Variants in DLG2 observed in about 807,000 individuals in gnomAD.
The protein encoded by DLG2 is discs large MAGUK scaffold protein 2, also known as disks large homolog 2.
DLG2 carries 45 observed loss-of-function variants against 132.5 expected under a neutral mutation model. The ratio of observed to expected loss-of-function variants is 0.34; its 90% CI spans 0.27 to 0.44. The LOEUF (loss-of-function observed/expected upper bound fraction) is 0.44, where lower values mean the gene tolerates loss of function less well. Ranked by LOEUF, DLG2 falls within the 20% of genes least tolerant of loss-of-function variation. The pLI, the probability that DLG2 is intolerant of heterozygous loss-of-function variation, is 1.00. For synonymous variants in DLG2, 424 were observed against 419.6 expected, an observed-to-expected ratio of 1.01 and a Z score of -0.13; for missense variants, 1,045 against 1,196.9, an observed-to-expected ratio of 0.87 and a Z score of 1.87.
At chr11:84,790,674 G>A (rs1020689849) in intron 6 of DLG2, among the ~76,000 whole-genome samples, 1 of 152,170 alleles carries the variant, frequency 6.6e-6, no homozygotes, top group Admixed American at 6.6e-5. Context: ...TCAATGTCCT[G>A]GAGGGTTTCC....
At chr11:85,195,371 G>A (rs1165280565) in intron 4 of DLG2, among the ~76,000 whole-genome samples, 1 of 152,098 alleles carries the variant, frequency 6.6e-6, no homozygotes, top group Non-Finnish European at 1.5e-5. Context: ...ACTGAAGCCA[G>A]AGTAACAAGG....
At chr11:83,636,462 A>G (rs2064873707) in intron 18 of DLG2, among the ~76,000 whole-genome samples, 1 of 152,200 alleles carries the variant, frequency 6.6e-6, no homozygotes, top group Non-Finnish European at 1.5e-5. Context: ...TTTTGCAATA[A>G]GAAAGATGAA....
intron 5 of DLG2, among the ~76,000 whole-genome samples, chr11:85,134,197 T>C (rs72961523): frequency 0.03 from 4,516 of 151,348 alleles, 99 homozygotes; most frequent in Non-Finnish European, 0.047. Flanking sequence ...ACCCATACAC[T>C]TTATCTCCTC....
chr11:84,931,476 G>T (rs887860090), intron 6 of DLG2, among the ~76,000 whole-genome samples: 1 of 152,158 alleles, frequency 6.6e-6, no homozygotes, highest in Non-Finnish European at 1.5e-5. Flanking sequence ...CTCCATCCAT[G>T]TTCCTGCAAA....
chr11:84,221,197 G>A (rs761626534), intron 8 of DLG2, among the ~76,000 whole-genome samples: 7 of 151,996 alleles, frequency 4.6e-5, no homozygotes, highest in Admixed American at 3.9e-4. Context: ...TAGGCTGGGC[G>A]CAGTGGGCCT....
intron 3 of DLG2, among the ~76,000 whole-genome samples, chr11:85,397,247 C>G (rs1414629633): frequency 2.0e-5 from 3 of 152,132 alleles, no homozygotes; most frequent in Admixed American, 2.0e-4. Flanking sequence ...TTGTCACCAC[C>G]AGGCATGCCT....
chr11:85,099,214 G>A (rs1371910333), intron 6 of DLG2, among the ~76,000 whole-genome samples: 1 of 152,218 alleles, frequency 6.6e-6, no homozygotes, highest in African/African-American at 2.4e-5. Flanking sequence ...TGTATTGGTA[G>A]TAGGAAGCTG....
At chr11:83,693,537 C>A (rs758318449) in intron 18 of DLG2, among the ~76,000 whole-genome samples, 4 of 152,154 alleles carry the variant, frequency 2.6e-5, no homozygotes, top group South Asian at 2.1e-4. Context: ...TGGAGGACAC[C>A]GTACCCTGTC....
chr11:85,513,164 G>A (rs968063916), intron 3 of DLG2, among the ~76,000 whole-genome samples: 1 of 151,784 alleles, frequency 6.6e-6, no homozygotes, highest in African/African-American at 2.4e-5. Flanking sequence ...CCAAAAAGAT[G>A]GGAAAAAATA....
chr11:83,779,739 G>C (rs77700652), intron 18 of DLG2, among the ~76,000 whole-genome samples: 2,160 of 152,162 alleles, frequency 0.014, 57 homozygotes, highest in African/African-American at 0.049. Context: ...TTATCTTTAA[G>C]GATTCTTAAA....
At chr11:83,683,290 G>A (rs998345701) in intron 18 of DLG2, among the ~76,000 whole-genome samples, 2 of 152,190 alleles carry the variant, frequency 1.3e-5, no homozygotes, top group Non-Finnish European at 2.9e-5. Context: ...TGTAAGGTAA[G>A]TACTATCATG....
Position 84,267,220 on chromosome 11 carries a change from C to T in DLG2, c.520-15929G>A, listed in dbSNP as rs141596432. 1.4e-3 allele frequency among the ~76,000 whole-genome samples: 146 copies of T among 107,050 alleles called. 1 individual carries two copies. Among genetic ancestry groups the T allele is most frequent in the Middle Eastern group, 6.2e-3 (1 of 162 alleles). 70.2% of individuals were successfully genotyped at this position (107,050 alleles called of 152,430 possible). A position where few individuals can be genotyped will look rare whatever the true frequency, so the allele number is the denominator to read the frequency against. ...TTTCATGTTGGTATTGTGATGATTGCGTACAAAAGTATAGATTAAAGTAGT... is the reference window on the plus strand; with the variant it reads ...TTTCATGTTGGTATTGTGATGATTGTGTACAAAAGTATAGATTAAAGTAGT... On this transcript the variant is annotated intron_variant, in intron 7 of 27. Coordinates refer to ENST00000376104, the MANE Select transcript of DLG2 (RefSeq NM_001142699.3).
chr11:85,550,722 G>A (rs1336791929), intron 3 of DLG2, among the ~76,000 whole-genome samples: 5 of 152,200 alleles, frequency 3.3e-5, no homozygotes, highest in East Asian at 1.9e-4. Context: ...GTTTGGGTAC[G>A]GCATATTCTA....
chr11:85,041,750 C>A (rs1182871752), intron 6 of DLG2, among the ~76,000 whole-genome samples: 1 of 151,792 alleles, frequency 6.6e-6, no homozygotes, highest in Non-Finnish European at 1.5e-5. Context: ...TAGAGATAAA[C>A]TGAGTACAAG....
intron 19 of DLG2, among the ~76,000 whole-genome samples, chr11:83,606,728 C>G (rs1211199715): frequency 1.3e-5 from 2 of 151,848 alleles, no homozygotes; most frequent in Admixed American, 6.6e-5. Flanking sequence ...GAGATCAAGA[C>G]CATCCTGGCT....
At position 84,438,973 on chromosome 11, in the gene DLG2, T is replaced by TCAA. The variant is rs368618810; in HGVS notation, c.519+95594_519+95596dup. Among the ~76,000 whole-genome samples the TCAA allele has an allele frequency of 5.3e-5, 8 of 152,142 alleles. 1 individual carries two copies. The highest frequency in any genetic ancestry group is 1.2e-4 in the African/African-American group (5 of 41,534). Reference sequence around the variant, plus strand: ...CCTTAAGAGAGTTTCATCTGTGGAATCAACAACAACAACAACAACAAAAGT... The same window carrying TCAA: ...CCTTAAGAGAGTTTCATCTGTGGAATCAACAACAACAACAACAACAACAAAAGT... On this transcript the variant is annotated intron_variant, in intron 7 of 27. Coordinates refer to ENST00000376104, the MANE Select transcript of DLG2 (RefSeq NM_001142699.3).
At chr11:84,165,287 A>G (rs2095636157) in intron 8 of DLG2, among the ~76,000 whole-genome samples, 1 of 152,210 alleles carries the variant, frequency 6.6e-6, no homozygotes, top group Non-Finnish European at 1.5e-5. Context: ...GCTCAAAGAA[A>G]TTCTTTTAGG....
intron 18 of DLG2, among the ~76,000 whole-genome samples, chr11:83,746,658 A>G (rs1209524455): frequency 1.3e-5 from 2 of 152,106 alleles, no homozygotes; most frequent in Non-Finnish European, 2.9e-5. Context: ...GCACACCAAA[A>G]TGGCACATGT....
intron 17 of DLG2, among the ~76,000 whole-genome samples, chr11:83,787,312 GTTTTTTTTTTGTT>G (rs1440905704): frequency 2.9e-5 from 2 of 69,616 alleles, no homozygotes; most frequent in Non-Finnish European, 5.3e-5. Context: ...CTTAAGCCTT[GTTTTTTTTTTGTT>G]TTTTTTTTTT....
Sources: gnomAD v4.1 joint callset for allele counts (sites outside exome capture counted in the v4.1 genomes callset) on GRCh38, gnomAD v4.1.1 for gene constraint, MANE v1.5 for transcripts, NCBI Gene and HGNC (gene_info 2026-07-23, HGNC 2026-07-21) for gene names.